Variants in RNF111 observed in about 807,000 individuals in gnomAD.
RNF111 encodes the protein E3 ubiquitin-protein ligase Arkadia.
A neutral mutation model predicts 95.1 loss-of-function variants in RNF111; 17 were observed. The ratio of observed to expected loss-of-function variants is 0.18; its 90% CI spans 0.12 to 0.27. RNF111 has a LOEUF of 0.27. Ranked by LOEUF, RNF111 falls within the 10% of genes least tolerant of loss-of-function variation. RNF111 has a pLI of 1.00. For missense variants in RNF111, 1,189 were observed against 1,210.4 expected (o/e 0.98, Z 0.26); for synonymous variants, 440 against 414.8 (o/e 1.06, Z -0.74).
At chr15:59,072,450 C>A (rs1378486418) in intron 6 of RNF111, among the ~76,000 whole-genome samples, 1 of 102,784 alleles carries the variant, frequency 9.7e-6, no homozygotes, top group Non-Finnish European at 1.8e-5. Flanking sequence ...TCATTTCCAT[C>A]TTTTTTTTTT....
chr15:59,004,177 C>G, intron 1 of RNF111: 1 of 1,163,088 alleles, frequency 8.6e-7, no homozygotes, highest in Non-Finnish European at 1.1e-6. Context: ...GTTTTAAGGT[C>G]TCAACTTTGT....
chr15:59,084,848 A>C (rs1335511635), intron 9 of RNF111, among the ~76,000 whole-genome samples: 2 of 151,830 alleles, frequency 1.3e-5, no homozygotes, highest in Non-Finnish European at 2.9e-5. Context: ...TAGAGTTCCC[A>C]TGTAAGTAAG....
chr15:59,041,961 ATTTT>A (rs79347638), intron 2 of RNF111, among the ~76,000 whole-genome samples: 2 of 100,104 alleles, frequency 2.0e-5, no homozygotes. Context: ...GTCTGTTCAT[ATTTT>A]TTTTTTTTTT....
chr15:59,089,825 C>CT, intron 11 of RNF111, 66 bp downstream of exon 11: 1 of 1,061,848 alleles, frequency 9.4e-7, no homozygotes, highest in South Asian at 1.3e-5. Context: ...TATATATATA[C>CT]TACTATACAC....
intron 1 of RNF111, among the ~76,000 whole-genome samples, chr15:59,017,761 T>C (rs2040137928): frequency 1.2e-5 from 1 of 86,250 alleles, no homozygotes; most frequent in Non-Finnish European, 2.8e-5. Flanking sequence ...CTCTTTTTTT[T>C]TTTTTTTTTT....
At chr15:59,040,873 A>T (rs1478357912) in intron 2 of RNF111, among the ~76,000 whole-genome samples, 10 of 152,226 alleles carry the variant, frequency 6.6e-5, no homozygotes, top group African/African-American at 2.2e-4. Flanking sequence ...AGATATTTTT[A>T]AAAAATTTAA....
chr15:58,989,520 T>C (rs1421310925), intron 1 of RNF111, among the ~76,000 whole-genome samples: 1 of 152,230 alleles, frequency 6.6e-6, no homozygotes, highest in African/African-American at 2.4e-5. Context: ...TGCTATATCA[T>C]GTGCAGATCC....
chr15:59,090,059 C>T (rs775882190), intron 11 of RNF111, among the ~76,000 whole-genome samples: 39 of 151,948 alleles, frequency 2.6e-4, no homozygotes, highest in African/African-American at 6.8e-4. Context: ...TGGTGGGGAA[C>T]GGAATGTTTT....
chr15:58,992,544 C>G (rs770256214), intron 1 of RNF111, among the ~76,000 whole-genome samples: 11 of 151,926 alleles, frequency 7.2e-5, no homozygotes, highest in Non-Finnish European at 1.2e-4. Context: ...TTGGCTGGGC[C>G]CAGTGGCTCA....
intron 1 of RNF111, among the ~76,000 whole-genome samples, chr15:59,006,574 C>A (rs1354545142): frequency 1.3e-5 from 2 of 152,192 alleles, no homozygotes; most frequent in Admixed American, 1.3e-4. Context: ...CTCCCTGCCA[C>A]CTAGATTCTA....
rs1206746338 is a variant in RNF111, at chr15:59,071,688, C to G, written c.1687-4266C>G. On this transcript the variant is annotated intron_variant, in intron 6 of 13. Coordinates refer to ENST00000348370, the MANE Select transcript of RNF111 (RefSeq NM_017610.8). Reference sequence around the variant, plus strand: ...CCAGCCTGGGTAACAGAGATCCTGTCGCAAAAAAAAAAAAAAATAAAGTTT... The same window carrying G: ...CCAGCCTGGGTAACAGAGATCCTGTGGCAAAAAAAAAAAAAAATAAAGTTT... Among the ~76,000 whole-genome samples, 5 of 146,054 alleles carry G rather than the reference C, an allele frequency of 3.4e-5. No homozygotes were observed. The East Asian group carries it at 5.9e-4, about 17-fold the overall frequency.
intron 7 of RNF111, among the ~76,000 whole-genome samples, chr15:59,077,844 A>AT (rs1566936972): frequency 1.3e-5 from 2 of 152,202 alleles, no homozygotes; most frequent in Admixed American, 6.5e-5. Context: ...GGAAATTTAA[A>AT]TTGTATTATT....
At chr15:58,996,004 G>A (rs1300898623) in intron 1 of RNF111, among the ~76,000 whole-genome samples, 1 of 151,702 alleles carries the variant, frequency 6.6e-6, no homozygotes, top group Non-Finnish European at 1.5e-5. Context: ...TTTGATAGTA[G>A]GTTTATATTT....
At chr15:59,039,131 A>G (rs554768819) in intron 2 of RNF111, among the ~76,000 whole-genome samples, 1 of 151,822 alleles carries the variant, frequency 6.6e-6, no homozygotes, top group African/African-American at 2.4e-5. Flanking sequence ...TACCTGGCTA[A>G]TTTTTTATTT....
At chr15:59,019,040 C>T (rs1237836349) in intron 1 of RNF111, among the ~76,000 whole-genome samples, 1 of 152,040 alleles carries the variant, frequency 6.6e-6, no homozygotes, top group South Asian at 2.1e-4. Context: ...CCTCCCACCT[C>T]AGCCACCCGT....
At chr15:59,044,891 T>C (rs1214975996) in intron 2 of RNF111, among the ~76,000 whole-genome samples, 4 of 152,226 alleles carry the variant, frequency 2.6e-5, no homozygotes, top group African/African-American at 9.6e-5. Flanking sequence ...TGTTGCCTGT[T>C]GTGAATATGC....
At chr15:59,020,783 C>T (rs1378350927) in intron 1 of RNF111, among the ~76,000 whole-genome samples, 1 of 152,092 alleles carries the variant, frequency 6.6e-6, no homozygotes, top group East Asian at 1.9e-4. Flanking sequence ...CTCCAGTCCT[C>T]CATAATAGAG....
In RNF111 at chr15:59,097,079, T is replaced by A. The variant is rs1196459553; in HGVS notation, c.*2179T>A. On this transcript the variant is annotated 3_prime_UTR_variant, in exon 14 of 14. Coordinates refer to ENST00000348370, the MANE Select transcript of RNF111 (RefSeq NM_017610.8). Reference sequence around the variant, plus strand: ...AACCTGAATTGTTAATATAGGAGCTTATTAAGCTACTGCCATTAGTTATCG... The same window carrying A: ...AACCTGAATTGTTAATATAGGAGCTAATTAAGCTACTGCCATTAGTTATCG... The A allele has an allele frequency of 4.6e-5, 7 of 152,252 alleles. No homozygotes were observed. Among genetic ancestry groups the A allele is most frequent in the Non-Finnish European group, 8.8e-5 (6 of 68,052 alleles). The allele number at this position is 152,252 out of a possible 1,614,324, so 9.4% of individuals were successfully genotyped here.
chr15:59,092,381 A>AT, intron 12 of RNF111, 156 bp from the exon 13 acceptor site: 1 of 604,820 alleles, frequency 1.7e-6, no homozygotes, highest in Non-Finnish European at 2.6e-6. Flanking sequence ...TAGTCACTTA[A>AT]TTCATCCATT....
Sources: gnomAD v4.1 joint callset for allele counts (sites outside exome capture counted in the v4.1 genomes callset) on GRCh38, gnomAD v4.1.1 for gene constraint, MANE v1.5 for transcripts, NCBI Gene and HGNC (gene_info 2026-07-23, HGNC 2026-07-21) for gene names.